ARHGAP30: variants seen among roughly 807,000 people sequenced by gnomAD.
ARHGAP30 encodes Rho GTPase activating protein 30.
In ARHGAP30, 23 loss-of-function variants were observed where a neutral mutation model predicts 72.0. The observed-to-expected ratio is 0.32, with a 90% CI of 0.23 to 0.45. The LOEUF is 0.45. Ranked by LOEUF, ARHGAP30 falls within the 20% of genes least tolerant of loss-of-function variation. The pLI is 1.00. For synonymous variants in ARHGAP30, 576 were observed against 528.2 expected, an observed-to-expected ratio of 1.09 and a Z score of -1.24; for missense variants, 1,319 against 1,383.4, an observed-to-expected ratio of 0.95 and a Z score of 0.74.
Position 161,069,703 on chromosome 1 carries a change from G to C in ARHGAP30, c.-79C>G, listed in dbSNP as rs1653034811. 2 of 1,496,214 alleles carry C rather than the reference G, an allele frequency of 1.3e-6. No individual in the cohort carries two copies. Among genetic ancestry groups the C allele is most frequent in the South Asian group, 2.3e-5 (2 of 88,576 alleles). The allele number at this position is 1,496,214 out of a possible 1,614,324, so 92.7% of individuals were successfully genotyped here. ...CCTACCAGTCCCCCATGGGATCCCA[G>C]CCAGCTGCTGGGCTTGGCCCGGCCC... On this transcript the variant is annotated 5_prime_UTR_variant, in exon 1 of 12. Coordinates refer to ENST00000368013, the MANE Select transcript of ARHGAP30 (RefSeq NM_001025598.2). The surrounding 1 kb of genome is among the most constrained non-coding windows in gnomAD (Gnocchi z 4.9).
In ARHGAP30 at chr1:161,048,010, G is replaced by A. The variant is rs199790418; in HGVS notation, c.3011C>T (p.Ala1004Val). The A allele has an allele frequency of 6.2e-7, 1 of 1,614,156 alleles. No homozygotes were observed. Among genetic ancestry groups the A allele is most frequent in the African/African-American group, 1.3e-5 (1 of 75,030 alleles). ...AGCCTCAGTCCTTTGGCGGTCCCGG[G>A]CTAGGGCCACAGCAGCATCAAAGGA... ...SLSFDAAVAL[A>V]RDRQRTEAQG... is the part of the protein sequence containing the mutation. Residue 1004 changes from alanine to valine, a missense_variant, in exon 12 of 12, where the codon GCC (alanine) becomes GTC (valine). By Grantham distance (64) the Ala-to-Val change is moderately conservative (BLOSUM62 0). Around this residue, in one of 2 missense-constraint regions of ARHGAP30, gnomAD observed 1,097 missense variants for 1,045.2 expected, o/e 1.05. Coordinates refer to ENST00000368013, the MANE Select transcript of ARHGAP30 (RefSeq NM_001025598.2).
chr1:161,050,174 A>G (rs1345099604), intron 10 of ARHGAP30, among the ~76,000 whole-genome samples: 1 of 152,160 alleles, frequency 6.6e-6, no homozygotes, highest in African/African-American at 2.4e-5. Flanking sequence ...TACCTAAATC[A>G]ATTGCAAATT....
chr1:161,056,621 C>T lies in ARHGAP30; in HGVS notation c.201-89G>A, dbSNP rs558392684. Reference sequence around the variant, plus strand: ...CTATAGAGATGGGTCCCGGCATGGTCGTGGGTCAACATGTGTTGGACTTGG... The same window carrying T: ...CTATAGAGATGGGTCCCGGCATGGTTGTGGGTCAACATGTGTTGGACTTGG... On this transcript the variant is annotated intron_variant, in intron 2 of 11. Coordinates refer to ENST00000368013, the MANE Select transcript of ARHGAP30 (RefSeq NM_001025598.2). 20 of 1,427,362 alleles carry T rather than the reference C, an allele frequency of 1.4e-5. No homozygotes were observed. In the South Asian group the frequency reaches 1.9e-4, roughly 13 times the overall value. 88.4% of individuals were successfully genotyped at this position (1,427,362 alleles called of 1,614,324 possible).
Position 161,047,858 on chromosome 1 carries a change from C to T in ARHGAP30, c.3163G>A (p.Glu1055Lys). The T allele has an allele frequency of 6.2e-7, 1 of 1,611,620 alleles. No individual in the cohort carries two copies. Among genetic ancestry groups the T allele is most frequent in the South Asian group, 1.1e-5 (1 of 90,728 alleles). The change falls in exon 12 of 12, where the codon GAA becomes AAA. Residue 1055 changes from glutamate to lysine, a missense_variant. Glu to Lys is a moderately conservative substitution (Grantham distance 56, BLOSUM62 1). Transcript: ENST00000368013. The stretch of plus-strand genomic sequence containing the variant: ...CGGGATCCAGACCCTTCTGCACCTT[C>T]AGATGGGAGCTCCAGGCAGCTAAGG... ...RPLSCLELPSEGAEGSGSRSR... is the reference protein window; with the variant it reads ...RPLSCLELPSKGAEGSGSRSR...
rs775084605 is a variant in ARHGAP30, at chr1:161,047,769, G to C, written c.3252C>G (p.Arg1084=). 66 of 1,576,534 alleles carry C rather than the reference G, an allele frequency of 4.2e-5. No homozygotes were observed. Among genetic ancestry groups the C allele is most frequent in the Non-Finnish European group, 5.5e-5 (64 of 1,164,668 alleles). ...QVPDPLLSSQ[R]RSYAFETQAN... ...CCTGTGTTTCAAATGCATATGACCT[G>C]CGCTGAGAGGACAACAGGGGGTCAG... Residue 1084 remains arginine, a synonymous_variant, in exon 12 of 12, where the codon CGC becomes CGG. Transcript: ENST00000368013.
rs144647339 is a variant in ARHGAP30, at chr1:161,051,689, T to C, written c.1045A>G (p.Ser349Gly). 1.5e-4 allele frequency: 243 copies of C among 1,611,194 alleles called. 1 individual carries two copies. Among genetic ancestry groups the C allele is most frequent in the Non-Finnish European group, 3.1e-5 (37 of 1,179,224 alleles). The change falls in exon 10 of 12, where the codon AGC becomes GGC. Residue 349 changes from serine (S) to glycine (G), a missense_variant. Around this residue, in one of 2 missense-constraint regions of ARHGAP30, gnomAD observed 1,097 missense variants for 1,045.2 expected, o/e 1.05. Coordinates refer to ENST00000368013, the MANE Select transcript of ARHGAP30 (RefSeq NM_001025598.2). ...GGCAGCAATGGGCTTGGCCGGGGGCTGCTGGGCCCCACCAGCCCCTCTGGC... is the reference window on the plus strand; with the variant it reads ...GGCAGCAATGGGCTTGGCCGGGGGCCGCTGGGCCCCACCAGCCCCTCTGGC... ...DEPEGLVGPS[S>G]PRPSPLLPES...
chr1:161,060,327 G>T, intron 1 of ARHGAP30: 1 of 363,006 alleles, frequency 2.8e-6, no homozygotes, highest in Non-Finnish European at 5.6e-6. Context: ...CAGGTGCGGT[G>T]TCTCATGCCT....
Position 161,048,303 on chromosome 1 carries a change from T to C in ARHGAP30, c.2718A>G (p.Pro906=), listed in dbSNP as rs1290742868. The part of the protein sequence containing the change: ...EEMEPEGQPS[P]DGCLCPCSLG... ...GAGAACAGGGGCATAGACAGCCGTC[T>C]GGACTGGGCTGCCCCTCAGGCTCCA... Residue 906 remains proline, a synonymous_variant, in exon 12 of 12, where the codon CCA becomes CCG. Coordinates refer to ENST00000368013, the MANE Select transcript of ARHGAP30 (RefSeq NM_001025598.2). The C allele has an allele frequency of 3.7e-6, 6 of 1,614,210 alleles. No homozygotes were observed. The highest frequency in any genetic ancestry group is 5.1e-6 in the Non-Finnish European group (6 of 1,180,024).
At position 161,048,472 on chromosome 1, in the gene ARHGAP30, C is replaced by A. The variant is rs905257823; in HGVS notation, c.2549G>T (p.Arg850Met). ...SGDGEAEGDQRAGGYYLEEDT... is the reference protein window; with the variant it reads ...SGDGEAEGDQMAGGYYLEEDT... ...CTCTTCTAAATAGTACCCTCCAGCC[C>A]TCTGGTCTCCCTCAGCCTCTCCATC... The change falls in exon 12 of 12, where the codon AGG (arginine) becomes ATG (methionine). Residue 850 changes from arginine (R) to methionine (M), a missense_variant. Coordinates refer to ENST00000368013, the MANE Select transcript of ARHGAP30 (RefSeq NM_001025598.2). The A allele has an allele frequency of 6.2e-7, 1 of 1,614,174 alleles. No individual in the cohort carries two copies. Among genetic ancestry groups the A allele is most frequent in the Admixed American group, 1.7e-5 (1 of 60,024 alleles).
chr1:161,056,618 G>A lies in ARHGAP30; in HGVS notation c.201-86C>T, dbSNP rs1651896635. 23 of 1,442,726 alleles carry A rather than the reference G, an allele frequency of 1.6e-5. No individual in the cohort carries two copies. The South Asian group carries it at 3.1e-4, about 19-fold the overall frequency. 89.4% of individuals were successfully genotyped at this position (1,442,726 alleles called of 1,614,324 possible). The stretch of plus-strand genomic sequence containing the variant: ...TCCCTATAGAGATGGGTCCCGGCAT[G>A]GTCGTGGGTCAACATGTGTTGGACT... On this transcript the variant is annotated intron_variant, in intron 2 of 11. Transcript: ENST00000368013.
In ARHGAP30 at chr1:161,048,744, C is replaced by G; in HGVS notation, c.2277G>C (p.Glu759Asp). The change falls in exon 12 of 12, where the codon GAG becomes GAC. Residue 759 changes from glutamate to aspartate, a missense_variant. Physicochemically the swap from Glu to Asp is conservative, Grantham distance 45. Around this residue, in one of 2 missense-constraint regions of ARHGAP30, gnomAD observed 1,097 missense variants for 1,045.2 expected, o/e 1.05. Transcript: ENST00000368013. ...EIEREEDEQREEAQVEAGRDL... is the reference protein window; with the variant it reads ...EIEREEDEQRDEAQVEAGRDL... ...CCCTTCCAGCTTCTACCTGGGCTTC[C>G]TCTCTTTGTTCATCCTCTTCTCTCT... The G allele has an allele frequency of 1.2e-6, 2 of 1,614,056 alleles. No individual in the cohort carries two copies. Among genetic ancestry groups the G allele is most frequent in the Non-Finnish European group, 1.7e-6 (2 of 1,180,020 alleles).
rs1229926303 is a variant in ARHGAP30, at chr1:161,048,115, C to T, written c.2906G>A (p.Gly969Asp). Residue 969 changes from glycine (G) to aspartate (D), a missense_variant, in exon 12 of 12, where the codon GGC becomes GAC. By Grantham distance (94) the Gly-to-Asp change is moderately conservative (BLOSUM62 -1). Coordinates refer to ENST00000368013, the MANE Select transcript of ARHGAP30 (RefSeq NM_001025598.2). ...TTCTCCAGGAGTCCCATCAAGCCGG[C>T]CAGGCCTCGGGCATGGATTTGCAGG... is the stretch of plus-strand genomic sequence containing the variant. ...VAPANPCPRP[G>D]RLDGTPGERA... 2.5e-6 allele frequency: 4 copies of T among 1,614,058 alleles called. No individual in the cohort carries two copies. The highest frequency in any genetic ancestry group is 2.7e-5 in the African/African-American group (2 of 74,940).
At position 161,051,617 on chromosome 1, in the gene ARHGAP30, C is replaced by T; in HGVS notation, c.1117G>A (p.Glu373Lys). The T allele has an allele frequency of 4.3e-6, 7 of 1,613,524 alleles. No homozygotes were observed. Among genetic ancestry groups the T allele is most frequent in the Non-Finnish European group, 5.1e-6 (6 of 1,180,044 alleles). ...DSIEAAEGEQ[E>K]PEAEALGGTN... ...CCACCCAGTGCTTCTGCCTCAGGCT[C>T]CTGTTCACCCTCTGCTGCCTCTATA... Residue 373 changes from glutamate (E) to lysine (K), a missense_variant, in exon 10 of 12, where the codon GAG (glutamate) becomes AAG (lysine). Glu to Lys is a moderately conservative substitution (Grantham distance 56). Transcript: ENST00000368013.
At chr1:161,067,497 G>C (rs1046982174) in intron 1 of ARHGAP30, among the ~76,000 whole-genome samples, 1 of 152,000 alleles carries the variant, frequency 6.6e-6, no homozygotes, top group Non-Finnish European at 1.5e-5. Flanking sequence ...TTGAACCTGG[G>C]AGGCAGAGGT....
At chr1:161,052,890 G>A in intron 6 of ARHGAP30, 93 bp from the exon 7 acceptor site, 1 of 1,457,066 alleles carries the variant, frequency 6.9e-7, no homozygotes, top group African/African-American at 1.4e-5. Context: ...CAACTACCAG[G>A]TTAGGGATAT....
At chr1:161,064,777 GAAAA>G (rs373425402) in intron 1 of ARHGAP30, among the ~76,000 whole-genome samples, 1,594 of 68,674 alleles carry the variant, frequency 0.023, 22 homozygotes, top group African/African-American at 0.063. Flanking sequence ...AAGAAAGAAA[GAAAA>G]AGAAAGAAAG....
At chr1:161,050,396 T>A (rs1253809608) in intron 10 of ARHGAP30, among the ~76,000 whole-genome samples, 1 of 150,872 alleles carries the variant, frequency 6.6e-6, no homozygotes, top group Non-Finnish European at 1.5e-5. Context: ...CCTCCTGGGT[T>A]GAACCAATTC....
chr1:161,057,468 C>T (rs891235391), intron 2 of ARHGAP30, among the ~76,000 whole-genome samples: 4 of 152,170 alleles, frequency 2.6e-5, no homozygotes, highest in African/African-American at 9.7e-5. Context: ...AACATCATTA[C>T]CTATTACAGA....
chr1:161,060,596 C>CA (rs34508166), intron 1 of ARHGAP30, among the ~76,000 whole-genome samples: 15 of 92,060 alleles, frequency 1.6e-4, no homozygotes, highest in East Asian at 3.2e-4. Flanking sequence ...AACTCCATCT[C>CA]AAAAAAAAAA....
Sources: gnomAD v4.1 joint callset for allele counts (sites outside exome capture counted in the v4.1 genomes callset) on GRCh38, gnomAD v4.1.1 for gene constraint, gnomAD v4.1.1 regional missense constraint, Gnocchi (gnomAD v3.1) non-coding constraint, MANE v1.5 for transcripts, NCBI Gene and HGNC (gene_info 2026-07-23, HGNC 2026-07-21) for gene names.